Variants in CAST observed in about 807,000 individuals in gnomAD.
CAST encodes the protein calpastatin, also known as MIR583 host.
CAST carries 76 observed loss-of-function variants against 119.6 expected under a neutral mutation model. The ratio of observed to expected loss-of-function variants is 0.64; its 90% CI spans 0.53 to 0.77. The LOEUF is 0.77. CAST is among the 30% of genes least tolerant of loss of function. The pLI, the probability that CAST is intolerant of heterozygous loss-of-function variation, is 0.00. For missense variants in CAST, 953 were observed against 946.5 expected (o/e 1.01, Z -0.09); for synonymous variants, 319 against 331.6 (o/e 0.96, Z 0.41).
chr5:95,963,880 A>G, the CAST span, among the ~76,000 whole-genome samples: 1 of 152,172 alleles, frequency 6.6e-6, no homozygotes, highest in African/African-American at 2.4e-5. Flanking sequence ...CACCCACATG[A>G]TATCCTAACT....
At chr5:96,576,333 A>G (rs1746667984) in intron 1 of CAST, among the ~76,000 whole-genome samples, 1 of 151,950 alleles carries the variant, frequency 6.6e-6, no homozygotes, top group African/African-American at 2.4e-5. Context: ...TAAATCATCT[A>G]GATCTAAAGT....
At chr5:96,476,241 T>C in the CAST span, among the ~76,000 whole-genome samples, 1 of 152,230 alleles carries the variant, frequency 6.6e-6, no homozygotes, top group Non-Finnish European at 1.5e-5. Context: ...AAAGTAAACT[T>C]AATATACAGC....
rs894122287 is a variant in CAST at position 96,641,429 on chromosome 5, G to A, written c.61-34110G>A. On this transcript the variant is annotated intron_variant, in intron 1 of 11. Coordinates refer to the CAST transcript ENST00000505143. ...TTTCCATTCTTGAGGGTGGGATGTG[G>A]GGTCAGTATGGGGTAATGAAAAAAA... Among the ~76,000 whole-genome samples the A allele has an allele frequency of 2.1e-5, 3 of 145,070 alleles. No homozygotes were observed. In the East Asian group the frequency reaches 5.9e-4, roughly 29 times the overall value.
At chr5:96,503,711 A>C in the CAST span, among the ~76,000 whole-genome samples, 1 of 152,150 alleles carries the variant, frequency 6.6e-6, no homozygotes, top group Admixed American at 6.5e-5. Context: ...TGATAGTCTC[A>C]CTTGAGGGAA....
chr5:96,312,360 A>C, the CAST span, among the ~76,000 whole-genome samples: 1 of 152,080 alleles, frequency 6.6e-6, no homozygotes, highest in African/African-American at 2.4e-5. Flanking sequence ...AAATTAGTCT[A>C]AGGGTTACCC....
chr5:96,304,150 C>T, the CAST span, among the ~76,000 whole-genome samples: 2 of 152,138 alleles, frequency 1.3e-5, no homozygotes, highest in African/African-American at 2.4e-5. Flanking sequence ...TTCTAACTGG[C>T]GAGAGATGGT....
chr5:96,084,893 G>A, the CAST span, among the ~76,000 whole-genome samples: 1 of 152,184 alleles, frequency 6.6e-6, no homozygotes, highest in East Asian at 1.9e-4. Context: ...AGGAAGAAAG[G>A]AAGCAGAGAG....
chr5:96,186,562 T>C, the CAST span, among the ~76,000 whole-genome samples: 7 of 152,238 alleles, frequency 4.6e-5, no homozygotes, highest in Admixed American at 2.6e-4. Context: ...CATGAAGAGA[T>C]GTTGAATTTT....
intron 1 of CAST, among the ~76,000 whole-genome samples, chr5:96,551,067 C>T (rs982418644): frequency 1.3e-5 from 2 of 152,122 alleles, no homozygotes; most frequent in Admixed American, 1.3e-4. Flanking sequence ...ATACAGAGAA[C>T]ACCACAAAGA....
At chr5:96,303,216 G>T in the CAST span, among the ~76,000 whole-genome samples, 1 of 152,052 alleles carries the variant, frequency 6.6e-6, no homozygotes, top group Admixed American at 6.5e-5. Context: ...AATATTATGA[G>T]AACTCACTCA....
chr5:96,399,966 C>T, the CAST span: 1 of 1,613,030 alleles, frequency 6.2e-7, no homozygotes, highest in Non-Finnish European at 8.5e-7. Flanking sequence ...GGCTCAAAGT[C>T]ATTGTCCTTT....
At chr5:96,412,752 G>GTTTTTTTTTGTTTGTT in the CAST span, among the ~76,000 whole-genome samples, 3 of 71,806 alleles carry the variant, frequency 4.2e-5, no homozygotes, top group African/African-American at 1.8e-4. Context: ...CAGCTGTGAT[G>GTTTTTTTTTGTTTGTT]TTTTTTTTTT....
the CAST span, among the ~76,000 whole-genome samples, chr5:96,034,050 T>A: frequency 2.0e-5 from 3 of 152,118 alleles, no homozygotes; most frequent in Non-Finnish European, 2.9e-5. Flanking sequence ...GCAGGAGGAT[T>A]GCTTGAGCCC....
At chr5:96,434,043 G>A in the CAST span, 1 of 152,212 alleles carries the variant, frequency 6.6e-6, no homozygotes, top group South Asian at 2.1e-4. Flanking sequence ...GATTCAGGGA[G>A]GGAAAGAGCA....
the CAST span, among the ~76,000 whole-genome samples, chr5:96,504,167 G>A: frequency 1.5e-3 from 229 of 152,308 alleles, no homozygotes; most frequent in African/African-American, 5.3e-3. Context: ...GCCAGCTGGA[G>A]GGAGGAGAAT....
At chr5:96,459,793 G>A in the CAST span, among the ~76,000 whole-genome samples, 17 of 152,170 alleles carry the variant, frequency 1.1e-4, no homozygotes, top group Non-Finnish European at 1.3e-4. Flanking sequence ...GTTTGCTTGT[G>A]TAATTATGCA....
intron 1 of CAST, among the ~76,000 whole-genome samples, chr5:96,608,095 CATCT>C (rs1246174645): frequency 1.3e-5 from 2 of 152,204 alleles, no homozygotes; most frequent in Non-Finnish European, 2.9e-5. Flanking sequence ...CTTCGACCAA[CATCT>C]CCCCTTTCCC....
At chr5:96,039,144 A>G in the CAST span, among the ~76,000 whole-genome samples, 22 of 151,994 alleles carry the variant, frequency 1.4e-4, no homozygotes, top group Admixed American at 5.9e-4. Context: ...ATTTTTTCAT[A>G]TATCTGTTGG....
At chr5:96,504,282 G>C in the CAST span, among the ~76,000 whole-genome samples, 2 of 152,110 alleles carry the variant, frequency 1.3e-5, no homozygotes, top group African/African-American at 4.8e-5. Context: ...ATCCAGTTCA[G>C]CACAGATATT....
Sources: allele counts gnomAD v4.1 joint callset (sites outside exome capture counted in the v4.1 genomes callset), GRCh38; gene constraint gnomAD v4.1.1; transcripts MANE v1.5; gene names NCBI Gene and HGNC (gene_info 2026-07-23, HGNC 2026-07-21).